The following BBS9 variants were observed in gnomAD, a reference collection of about 807,000 sequenced individuals.
BBS9 encodes the protein protein PTHB1.
Under a neutral mutation model 117.7 loss-of-function variants are expected in BBS9, and 89 were observed. The ratio of observed to expected loss-of-function variants is 0.76; its 90% CI spans 0.64 to 0.90. The LOEUF (loss-of-function observed/expected upper bound fraction) is 0.90. Among genes scored for constraint, BBS9 ranks in the 40% least tolerant of loss-of-function variants. The pLI is 0.00. For synonymous variants in BBS9, 379 were observed against 370.9 expected (o/e 1.02, Z -0.25); for missense variants, 982 against 1,042.2 (o/e 0.94, Z 0.80).
chr7:33,625,736 A>G (rs1298866593), intron 21 of BBS9, among the ~76,000 whole-genome samples: 1 of 152,188 alleles, frequency 6.6e-6, no homozygotes, highest in Non-Finnish European at 1.5e-5. Context: ...TAGGTGGGTA[A>G]TGCTGATATT....
In BBS9 at chr7:33,288,542, T is replaced by C. The variant is rs938916902; in HGVS notation, c.1016+14586T>C. Among the ~76,000 whole-genome samples the C allele has an allele frequency of 2.6e-5, 4 of 152,244 alleles. 1 individual carries two copies. The highest frequency in any genetic ancestry group is 9.6e-5 in the African/African-American group (4 of 41,464). On this transcript the variant is annotated intron_variant, in intron 9 of 22. Transcript: ENST00000242067. ...CTAGTCTTGAAACAACTTGGCTAGA[T>C]AAAAGCTTTGCTTAGTGAAGAAAGA...
At chr7:33,509,487 A>G (rs1052478300) in intron 20 of BBS9, among the ~76,000 whole-genome samples, 15 of 152,196 alleles carry the variant, frequency 9.9e-5, no homozygotes, top group African/African-American at 3.6e-4. Flanking sequence ...TATTGAAGTT[A>G]TTATGATACC....
chr7:33,205,501 T>C (rs920564407), intron 5 of BBS9, among the ~76,000 whole-genome samples: 1 of 152,190 alleles, frequency 6.6e-6, no homozygotes, highest in African/African-American at 2.4e-5. Flanking sequence ...AAATTTCTTT[T>C]TGTAACTGTT....
chr7:33,178,896 A>C (rs536043130), intron 5 of BBS9, among the ~76,000 whole-genome samples: 1 of 152,266 alleles, frequency 6.6e-6, no homozygotes, highest in Admixed American at 6.5e-5. Context: ...TGCATAACTG[A>C]AGTGATGTGA....
intron 18 of BBS9, among the ~76,000 whole-genome samples, chr7:33,387,735 A>C (rs1254535493): frequency 6.6e-6 from 1 of 152,166 alleles, no homozygotes; most frequent in Non-Finnish European, 1.5e-5. Context: ...ATTATTGAAA[A>C]ACACTTATTA....
chr7:33,616,526 A>G (rs571994071), intron 21 of BBS9, among the ~76,000 whole-genome samples: 44 of 145,752 alleles, frequency 3.0e-4, no homozygotes, highest in African/African-American at 9.9e-4. Flanking sequence ...TAGAAAGGAT[A>G]GAGAATGGAA....
chr7:33,300,898 A>G (rs1021405282), intron 9 of BBS9, among the ~76,000 whole-genome samples: 2 of 152,152 alleles, frequency 1.3e-5, no homozygotes, highest in African/African-American at 4.8e-5. Context: ...GAAGGCATTT[A>G]AAAAAATCTG....
At chr7:33,632,801 TAAA>T (rs769816930) in intron 21 of BBS9, among the ~76,000 whole-genome samples, 1 of 151,830 alleles carries the variant, frequency 6.6e-6, no homozygotes, top group Non-Finnish European at 1.5e-5. Flanking sequence ...TAGTTTTTTT[TAAA>T]AAAAAGGAAA....
At chr7:33,417,045 A>G (rs1484480363) in intron 19 of BBS9, among the ~76,000 whole-genome samples, 2 of 152,230 alleles carry the variant, frequency 1.3e-5, no homozygotes, top group Non-Finnish European at 2.9e-5. Context: ...AGTAGTTTCC[A>G]GTCTAGTTAG....
chr7:33,616,493 GTATATATA>G (rs66529823), intron 21 of BBS9, among the ~76,000 whole-genome samples: 4 of 136,422 alleles, frequency 2.9e-5, no homozygotes, highest in Non-Finnish European at 4.7e-5. Flanking sequence ...GTGTGTGTGT[GTATATATA>G]TATATATATA....
At chr7:33,611,069 C>T (rs565391662), downstream of BBS9, among the ~76,000 whole-genome samples, 41 of 152,106 alleles carry the variant, frequency 2.7e-4, no homozygotes, top group Non-Finnish European at 5.0e-4. Flanking sequence ...AGGGCCCAGC[C>T]GCTTCATTGG....
Position 33,357,081 on chromosome 7 carries a change from A to C in BBS9, c.1553-774A>C, listed in dbSNP as rs548269321. ...GGTTTCAATTTCATTTTCTGTAAAA[A>C]TATTGAAAATGATTTTGAAAAGCTT... On this transcript the variant is annotated intron_variant, in intron 15 of 22. Coordinates refer to ENST00000242067, the MANE Select transcript of BBS9 (RefSeq NM_198428.3). Among the ~76,000 whole-genome samples, 63 of 151,918 alleles carry C rather than the reference A, an allele frequency of 4.1e-4. 1 individual carries two copies. The highest frequency in any genetic ancestry group is 1.4e-3 in the African/African-American group (60 of 41,560).
intron 5 of BBS9, among the ~76,000 whole-genome samples, chr7:33,199,547 T>G (rs552563831): frequency 1.3e-4 from 19 of 151,830 alleles, no homozygotes; most frequent in Non-Finnish European, 2.8e-4. Context: ...AAGCTAGAAG[T>G]GTAGAAGTCA....
In BBS9 at chr7:33,376,756, G is replaced by T. The variant is rs896543042; in HGVS notation, c.1790-6910G>T. Among the ~76,000 whole-genome samples the T allele has an allele frequency of 3.3e-5, 5 of 152,162 alleles. No individual in the cohort carries two copies. The East Asian group carries it at 7.7e-4, about 24-fold the overall frequency. Reference sequence around the variant, plus strand: ...TAACATTTCTGACTGGTGTGACATGGTATCTCATTTTGGCTTTGACTTGAA... The same window carrying T: ...TAACATTTCTGACTGGTGTGACATGTTATCTCATTTTGGCTTTGACTTGAA... On this transcript the variant is annotated intron_variant, in intron 17 of 22. Coordinates refer to ENST00000242067, the MANE Select transcript of BBS9 (RefSeq NM_198428.3).
At chr7:33,604,526 G>A (rs1194479469) in intron 21 of BBS9, among the ~76,000 whole-genome samples, 1 of 152,140 alleles carries the variant, frequency 6.6e-6, no homozygotes. Flanking sequence ...TGGTATTAAA[G>A]GGAATTCCTG....
intron 5 of BBS9, among the ~76,000 whole-genome samples, chr7:33,241,592 T>C (rs189552507): frequency 1.3e-5 from 2 of 152,272 alleles, no homozygotes; most frequent in Admixed American, 1.3e-4. Context: ...TTTATGTCTC[T>C]TAACTTCACA....
At chr7:33,584,618 G>T (rs546068742) in intron 21 of BBS9, among the ~76,000 whole-genome samples, 1 of 151,930 alleles carries the variant, frequency 6.6e-6, no homozygotes, top group African/African-American at 2.4e-5. Flanking sequence ...ATTTATTTGA[G>T]GACTTAATTG....
At chr7:33,614,471 A>T (rs1472266638) in intron 21 of BBS9, among the ~76,000 whole-genome samples, 1 of 152,026 alleles carries the variant, frequency 6.6e-6, no homozygotes, top group Admixed American at 6.6e-5. Context: ...CTGTCCTAAC[A>T]AGGGAAAACC....
intron 9 of BBS9, among the ~76,000 whole-genome samples, chr7:33,306,990 C>T (rs1808157568): frequency 1.3e-5 from 2 of 152,072 alleles, no homozygotes; most frequent in Admixed American, 6.5e-5. Context: ...TACGCGGTAT[C>T]TGTGAGGAAT....
Sources: allele counts gnomAD v4.1 joint callset (sites outside exome capture counted in the v4.1 genomes callset), GRCh38; gene constraint gnomAD v4.1.1; transcripts MANE v1.5; gene names NCBI Gene and HGNC (gene_info 2026-07-23, HGNC 2026-07-21).